MARCHF1: variants seen among roughly 807,000 people sequenced by gnomAD.
MARCHF1 encodes the protein E3 ubiquitin-protein ligase MARCHF1.
In MARCHF1, 40 loss-of-function variants were observed where a neutral mutation model predicts 54.2. The ratio of observed to expected loss-of-function variants is 0.74; its 90% CI spans 0.57 to 0.96. MARCHF1 has a LOEUF of 0.96. Ranked by LOEUF, MARCHF1 falls within the 40% of genes least tolerant of loss-of-function variation. The pLI is 0.00. For missense variants in MARCHF1, 586 were observed against 656.5 expected (o/e 0.89, Z 1.17); for synonymous variants, 236 against 236.3 (o/e 1.00, Z 0.01).
intron 2 of MARCHF1, among the ~76,000 whole-genome samples, chr4:164,074,177 C>T (rs1331007807): frequency 6.6e-6 from 1 of 152,188 alleles, no homozygotes; most frequent in East Asian, 1.9e-4. Flanking sequence ...CTCCAACCTT[C>T]CCATGCCAAT....
chr4:164,164,163 T>C (rs1331563832), intron 1 of MARCHF1, among the ~76,000 whole-genome samples: 1 of 151,888 alleles, frequency 6.6e-6, no homozygotes, highest in Non-Finnish European at 1.5e-5. Flanking sequence ...TTCAACTTCT[T>C]CCTTAAGATA....
intron 4 of MARCHF1, among the ~76,000 whole-genome samples, chr4:163,729,689 A>G (rs1745772013): frequency 6.6e-6 from 1 of 152,114 alleles, no homozygotes; most frequent in Admixed American, 6.5e-5. Flanking sequence ...TGTCTATAAG[A>G]TATGCACTGA....
intron 4 of MARCHF1, among the ~76,000 whole-genome samples, chr4:163,741,641 G>A (rs978167236): frequency 6.6e-6 from 1 of 151,892 alleles, no homozygotes; most frequent in African/African-American, 2.4e-5. Context: ...CTGCGTGTTT[G>A]CCCAAGATCA....
chr4:164,257,899 T>C (rs1733338465), intron 1 of MARCHF1, among the ~76,000 whole-genome samples: 1 of 152,166 alleles, frequency 6.6e-6, no homozygotes, highest in Non-Finnish European at 1.5e-5. Flanking sequence ...AACCCATTAC[T>C]GGGTATATAC....
At chr4:163,524,416 T>TTATATGCTTA (rs1480940662), downstream of MARCHF1, 1 of 152,210 alleles carries the variant, frequency 6.6e-6, no homozygotes, top group African/African-American at 2.4e-5. Flanking sequence ...AAAAATGCTG[T>TTATATGCTTA]TATATGCTTA....
intron 2 of MARCHF1, among the ~76,000 whole-genome samples, chr4:164,100,088 T>G (rs1755507230): frequency 6.6e-6 from 1 of 152,206 alleles, no homozygotes; most frequent in African/African-American, 2.4e-5. Flanking sequence ...CTTCTAATTT[T>G]TACACTTATT....
chr4:164,178,176 A>G (rs1730740194), intron 1 of MARCHF1, among the ~76,000 whole-genome samples: 1 of 152,234 alleles, frequency 6.6e-6, no homozygotes, highest in Non-Finnish European at 1.5e-5. Context: ...ATCAAGTTAC[A>G]TCATCTTGTT....
chr4:164,213,203 T>TTTATTA (rs200182175), intron 1 of MARCHF1, among the ~76,000 whole-genome samples: 4,330 of 141,720 alleles, frequency 0.031, 78 homozygotes, highest in African/African-American at 0.036. Flanking sequence ...GGCTTTTACT[T>TTTATTA]TTATTATTAT....
Position 163,700,835 on chromosome 4 carries a change from CT to C in MARCHF1, c.139del (p.Ser47ValfsTer56). ...LNEKSPGRSA[S>X]RSSNISKASS... ...TACTTTTGAAATGTTACTTGATCGA[CT>C]TGCAGATCGCCCTGGGGATTTTTCA... On this transcript the variant is annotated frameshift_variant, in exon 5 of 10. Coordinates refer to ENST00000514618, the MANE Select transcript of MARCHF1 (RefSeq NM_001394959.1). LOFTEE classifies it high-confidence loss of function. 6.5e-7 allele frequency: 1 copy of C among 1,536,416 alleles called. No homozygotes were observed. Among genetic ancestry groups the C allele is most frequent in the Non-Finnish European group, 8.7e-7 (1 of 1,146,436 alleles).
chr4:163,876,528 T>C (rs772924858), intron 3 of MARCHF1, among the ~76,000 whole-genome samples: 5 of 152,116 alleles, frequency 3.3e-5, no homozygotes, highest in African/African-American at 4.8e-5. Context: ...CTATAAAGTA[T>C]GTAGAATGTG....
chr4:163,748,363 T>C (rs1044793091), intron 4 of MARCHF1, among the ~76,000 whole-genome samples: 5 of 151,794 alleles, frequency 3.3e-5, no homozygotes, highest in Non-Finnish European at 7.4e-5. Flanking sequence ...CTAGGTCCTT[T>C]GTATTTTTAT....
intron 1 of MARCHF1, among the ~76,000 whole-genome samples, chr4:164,229,746 A>G (rs1732363470): frequency 6.6e-6 from 1 of 152,168 alleles, no homozygotes; most frequent in South Asian, 2.1e-4. Flanking sequence ...GGGGGAGTAC[A>G]GACTTCACAT....
intron 2 of MARCHF1, among the ~76,000 whole-genome samples, chr4:164,108,874 C>T (rs1033442047): frequency 1.3e-5 from 2 of 151,978 alleles, no homozygotes; most frequent in Admixed American, 6.6e-5. Flanking sequence ...CAATAGTGGG[C>T]AGCATAAGAT....
At chr4:164,160,627 T>G (rs1047399402) in intron 1 of MARCHF1, among the ~76,000 whole-genome samples, 1 of 152,158 alleles carries the variant, frequency 6.6e-6, no homozygotes, top group Non-Finnish European at 1.5e-5. Context: ...TGGATATAAT[T>G]TTTATGTGCT....
intron 3 of MARCHF1, among the ~76,000 whole-genome samples, chr4:163,936,618 C>T (rs759364563): frequency 6.6e-6 from 1 of 152,094 alleles, no homozygotes; most frequent in Non-Finnish European, 1.5e-5. Context: ...GGGACTGAGG[C>T]CTCTGGGAGC....
chr4:164,197,360 T>G (rs1731303275), intron 1 of MARCHF1: 1 of 1,612,948 alleles, frequency 6.2e-7, no homozygotes, highest in Non-Finnish European at 8.5e-7. Flanking sequence ...ACCTCGCAAT[T>G]GAAAAGGTCT....
At chr4:163,878,601 C>A (rs996970878) in intron 3 of MARCHF1, among the ~76,000 whole-genome samples, 7 of 152,182 alleles carry the variant, frequency 4.6e-5, no homozygotes, top group Non-Finnish European at 4.4e-5. Flanking sequence ...TCCAGCAGCA[C>A]TAGTGTATGT....
intron 7 of MARCHF1, among the ~76,000 whole-genome samples, chr4:163,595,372 C>T (rs867765429): frequency 2.0e-5 from 3 of 151,522 alleles, no homozygotes; most frequent in South Asian, 2.1e-4. Flanking sequence ...AAAAAATTAG[C>T]GGAGTGTGGT....
intron 2 of MARCHF1, among the ~76,000 whole-genome samples, chr4:163,992,111 A>T (rs555119708): frequency 3.7e-4 from 54 of 147,172 alleles, no homozygotes; most frequent in African/African-American, 1.3e-3. Context: ...ATTTATTTTG[A>T]TCGCAATTAA....
Sources: gnomAD v4.1 joint callset for allele counts (sites outside exome capture counted in the v4.1 genomes callset) on GRCh38, gnomAD v4.1.1 for gene constraint, MANE v1.5 for transcripts, NCBI Gene and HGNC (gene_info 2026-07-23, HGNC 2026-07-21) for gene names.